Variants in PALLD observed in about 807,000 individuals in gnomAD.
PALLD encodes palladin, cytoskeletal associated protein.
A neutral mutation model predicts 123.5 loss-of-function variants in PALLD; 61 were observed. The ratio of observed to expected loss-of-function variants is 0.49; its 90% CI spans 0.40 to 0.61. The LOEUF (loss-of-function observed/expected upper bound fraction) is 0.61. Ranked by LOEUF, PALLD falls within the 20% of genes least tolerant of loss-of-function variation. The pLI is 0.00. For missense variants in PALLD, 1,273 were observed against 1,377.0 expected (o/e 0.92, Z 1.20); for synonymous variants, 465 against 496.4 (o/e 0.94, Z 0.84).
At position 168,786,292 on chromosome 4, in the gene PALLD, C is replaced by T. The variant is rs565748695; in HGVS notation, c.1964+74369C>T. Among the ~76,000 whole-genome samples the T allele has an allele frequency of 5.9e-5, 9 of 152,194 alleles. No individual in the cohort carries two copies. The South Asian group carries it at 1.7e-3, about 28-fold the overall frequency. On this transcript the variant is annotated intron_variant, in intron 10 of 21. Transcript: ENST00000505667. Reference sequence around the variant, plus strand: ...GCAGTGAGCCGAGATCGCACCACTGCACTCCAGCCTGGCAACAGAGTGAGA... The same window carrying T: ...GCAGTGAGCCGAGATCGCACCACTGTACTCCAGCCTGGCAACAGAGTGAGA...
intron 8 of PALLD, among the ~76,000 whole-genome samples, chr4:168,703,376 CA>C (rs1253957232): frequency 4.2e-4 from 51 of 120,786 alleles, no homozygotes; most frequent in African/African-American, 2.0e-3. Flanking sequence ...CATACGTGTG[CA>C]TGTGTCTTTA....
At chr4:168,768,787 C>T (rs1047271306) in intron 10 of PALLD, among the ~76,000 whole-genome samples, 22 of 152,136 alleles carry the variant, frequency 1.4e-4, no homozygotes, top group African/African-American at 5.3e-4. Context: ...ATTCCCATGC[C>T]ACAGCCTCCT....
At chr4:168,691,926 G>T (rs563064195) in intron 8 of PALLD, among the ~76,000 whole-genome samples, 2 of 152,260 alleles carry the variant, frequency 1.3e-5, no homozygotes, top group South Asian at 4.2e-4. Flanking sequence ...ATGGTTCCTC[G>T]TGGAGTGAAA....
At chr4:168,897,913 A>G (rs1755575232) in intron 13 of PALLD, 1 of 152,356 alleles carries the variant, frequency 6.6e-6, no homozygotes, top group Admixed American at 6.5e-5. Context: ...AGAGCTGAGG[A>G]GGCGGCCCTT....
chr4:168,623,110 A>G (rs1774919218), intron 2 of PALLD, among the ~76,000 whole-genome samples: 1 of 152,190 alleles, frequency 6.6e-6, no homozygotes, highest in South Asian at 2.1e-4. Flanking sequence ...TTGTCTATCT[A>G]CTTGTATAAG....
chr4:168,548,627 C>G (rs1033994208), intron 2 of PALLD, among the ~76,000 whole-genome samples: 1 of 152,048 alleles, frequency 6.6e-6, no homozygotes, highest in African/African-American at 2.4e-5. Context: ...AATGCAAGTC[C>G]TAGGTGAGAA....
intron 10 of PALLD, among the ~76,000 whole-genome samples, chr4:168,759,187 AAAAAAAAAAAAAAAAATATATATATATAT>A (rs1411657889): frequency 5.1e-4 from 11 of 21,508 alleles, no homozygotes; most frequent in Non-Finnish European, 1.0e-3. Flanking sequence ...CTCAAAAAAA[AAAAAAAAAAAAAAAAATATATATATATAT>A]ATATATATAT....
intron 10 of PALLD, among the ~76,000 whole-genome samples, chr4:168,745,307 C>A (rs1730112746): frequency 6.6e-6 from 1 of 151,948 alleles, no homozygotes; most frequent in South Asian, 2.1e-4. Context: ...CTCAGCATTC[C>A]TCTTACAACA....
chr4:168,619,404 G>A (rs918406707), intron 2 of PALLD, among the ~76,000 whole-genome samples: 1 of 152,206 alleles, frequency 6.6e-6, no homozygotes, highest in Non-Finnish European at 1.5e-5. Flanking sequence ...AATGACTTTT[G>A]CTTTTAATCT....
At chr4:168,676,503 C>T (rs1032938608) in intron 3 of PALLD, among the ~76,000 whole-genome samples, 2 of 149,388 alleles carry the variant, frequency 1.3e-5, no homozygotes, top group Non-Finnish European at 3.0e-5. Flanking sequence ...TAAAACATAT[C>T]TATATAATAT....
At chr4:168,803,374 T>C (rs2150693709) in intron 10 of PALLD, among the ~76,000 whole-genome samples, 1 of 152,244 alleles carries the variant, frequency 6.6e-6, no homozygotes, top group South Asian at 2.1e-4. Flanking sequence ...GCAAGGAGGA[T>C]ACGTACTTGC....
chr4:168,632,406 A>G (rs1021794665), intron 2 of PALLD, among the ~76,000 whole-genome samples: 6 of 152,188 alleles, frequency 3.9e-5, no homozygotes, highest in African/African-American at 1.4e-4. Flanking sequence ...AGCTGGAAAC[A>G]CTTTGTTTCT....
chr4:168,649,150 T>C (rs1439938698), intron 2 of PALLD, among the ~76,000 whole-genome samples: 1 of 152,256 alleles, frequency 6.6e-6, no homozygotes, highest in African/African-American at 2.4e-5. Context: ...AATACCAGCC[T>C]GACGTGTCAC....
chr4:168,771,600 G>A (rs1233029766), intron 10 of PALLD, among the ~76,000 whole-genome samples: 1 of 152,162 alleles, frequency 6.6e-6, no homozygotes, highest in South Asian at 2.1e-4. Flanking sequence ...CAGGGCATCA[G>A]TGTGATGTGG....
chr4:168,834,329 G>A (rs185028086), intron 10 of PALLD, among the ~76,000 whole-genome samples: 215 of 152,284 alleles, frequency 1.4e-3, no homozygotes, highest in Middle Eastern at 0.014. Context: ...TGTCCCAGGT[G>A]AGGACCACTG....
At chr4:168,852,105 T>C (rs1379781109) in intron 10 of PALLD, among the ~76,000 whole-genome samples, 2 of 152,180 alleles carry the variant, frequency 1.3e-5, no homozygotes, top group Non-Finnish European at 2.9e-5. Flanking sequence ...AGCACACCCC[T>C]TGCCCCATGC....
chr4:168,835,175 G>A (rs1318441177), intron 10 of PALLD, among the ~76,000 whole-genome samples: 1 of 151,994 alleles, frequency 6.6e-6, no homozygotes, highest in African/African-American at 2.4e-5. Context: ...CAACAATTTT[G>A]TATCAAAACG....
chr4:168,770,309 G>A (rs1734217637), intron 10 of PALLD, among the ~76,000 whole-genome samples: 2 of 152,176 alleles, frequency 1.3e-5, no homozygotes, highest in South Asian at 4.1e-4. Context: ...CTCCCTTCAG[G>A]CAAGGTCCTG....
intron 10 of PALLD, among the ~76,000 whole-genome samples, chr4:168,802,358 G>T (rs771339094): frequency 1.3e-5 from 2 of 152,170 alleles, no homozygotes; most frequent in Non-Finnish European, 2.9e-5. Context: ...ATTGGATAAA[G>T]AAAATGTGGT....
Sources: gnomAD v4.1 joint callset for allele counts (sites outside exome capture counted in the v4.1 genomes callset) on GRCh38, gnomAD v4.1.1 for gene constraint, MANE v1.5 for transcripts, NCBI Gene and HGNC (gene_info 2026-07-23, HGNC 2026-07-21) for gene names.